TENM4: variants seen among roughly 807,000 people sequenced by gnomAD.
TENM4 encodes the protein teneurin-4.
Under a neutral mutation model 243.3 loss-of-function variants are expected in TENM4, and 82 were observed. That is an observed-to-expected ratio of 0.34 (90% CI 0.28 to 0.40). TENM4 has a LOEUF of 0.40. TENM4 is among the 10% of genes least tolerant of loss of function. The probability of loss-of-function intolerance (pLI) is 1.00; values close to 1 mark genes in which losing one functional copy is unlikely to be tolerated. For synonymous variants in TENM4, 1,412 were observed against 1,456.3 expected, an observed-to-expected ratio of 0.97 and a Z score of 0.69; for missense variants, 3,138 against 3,673.3, an observed-to-expected ratio of 0.85 and a Z score of 3.77.
intron 12 of TENM4, among the ~76,000 whole-genome samples, chr11:78,842,676 C>T (rs1401063700): frequency 6.6e-6 from 1 of 152,248 alleles, no homozygotes; most frequent in Admixed American, 6.5e-5. Flanking sequence ...CAGGCACTCA[C>T]ACAACAAGCG....
chr11:78,670,462 C>T lies in TENM4; in HGVS notation c.5883G>A (p.Val1961=), dbSNP rs369679383. The T allele has an allele frequency of 2.5e-6, 4 of 1,613,984 alleles. No individual in the cohort carries two copies. In the African/African-American group the frequency reaches 4.0e-5, roughly 16 times the overall value. ...GGATGGTCTCTAGTGTCTGCCGCGC[C>T]ACGTTGGGCATCGTCACAGAAGAGA... The part of the protein sequence containing the change: ...DRLSSVTMPN[V]ARQTLETIRS... The change falls in exon 32 of 34, where the codon GTG becomes GTA. Residue 1961 remains valine, a synonymous_variant. Transcript: ENST00000278550.
chr11:78,970,414 C>G (rs965694281), intron 6 of TENM4, among the ~76,000 whole-genome samples: 2 of 152,152 alleles, frequency 1.3e-5, no homozygotes, highest in Non-Finnish European at 2.9e-5. Context: ...TTGTCAGTGA[C>G]AGCCCCGATT....
chr11:78,835,163 C>A (rs926708444), intron 12 of TENM4, among the ~76,000 whole-genome samples: 1 of 152,168 alleles, frequency 6.6e-6, no homozygotes, highest in African/African-American at 2.4e-5. Flanking sequence ...TAGCATTTGA[C>A]ATGATTCTCT....
intron 12 of TENM4, among the ~76,000 whole-genome samples, chr11:78,834,301 A>G (rs1858050874): frequency 6.6e-6 from 1 of 152,100 alleles, no homozygotes; most frequent in Non-Finnish European, 1.5e-5. Flanking sequence ...TTGACAGGCT[A>G]TAGTCTTTTT....
At chr11:79,143,476 T>G (rs1413928186) in intron 4 of TENM4, among the ~76,000 whole-genome samples, 1 of 151,896 alleles carries the variant, frequency 6.6e-6, no homozygotes, top group African/African-American at 2.4e-5. Context: ...AATTTAACAA[T>G]GAGAACACTT....
At chr11:79,058,769 G>T (rs979649352) in intron 6 of TENM4, among the ~76,000 whole-genome samples, 1 of 152,148 alleles carries the variant, frequency 6.6e-6, no homozygotes, top group Non-Finnish European at 1.5e-5. Flanking sequence ...CAGAGGCTCT[G>T]GCTCTACCAG....
At chr11:79,179,057 C>A (rs1863230779) in intron 3 of TENM4, among the ~76,000 whole-genome samples, 1 of 152,198 alleles carries the variant, frequency 6.6e-6, no homozygotes, top group African/African-American at 2.4e-5. Flanking sequence ...GACGTCAGTA[C>A]CTTTAATTGC....
At chr11:79,228,207 TC>T (rs1864307119) in intron 2 of TENM4, among the ~76,000 whole-genome samples, 1 of 152,144 alleles carries the variant, frequency 6.6e-6, no homozygotes, top group Non-Finnish European at 1.5e-5. Context: ...AGCAGGCCCC[TC>T]GGGTGGTGGG....
At chr11:79,087,643 A>G (rs535040156) in intron 4 of TENM4, among the ~76,000 whole-genome samples, 166 of 152,276 alleles carry the variant, frequency 1.1e-3, no homozygotes, top group Non-Finnish European at 2.1e-3. Context: ...GGATCGAGGG[A>G]TGTTAGCTCT....
At chr11:79,093,807 C>A (rs1861015121) in intron 4 of TENM4, 1 of 152,236 alleles carries the variant, frequency 6.6e-6, no homozygotes, top group South Asian at 2.1e-4. Flanking sequence ...CCATTGCTCT[C>A]AACTCAATAA....
chr11:79,434,993 T>C (rs938224062), intron 1 of TENM4, among the ~76,000 whole-genome samples: 2 of 152,228 alleles, frequency 1.3e-5, no homozygotes, highest in African/African-American at 4.8e-5. Flanking sequence ...GGGGTCTATG[T>C]AGCATTACAA....
intron 2 of TENM4, among the ~76,000 whole-genome samples, chr11:79,281,220 C>T (rs1335861074): frequency 6.6e-6 from 1 of 152,170 alleles, no homozygotes; most frequent in Non-Finnish European, 1.5e-5. Context: ...ATTATACTTA[C>T]TCCTCTCAGC....
intron 1 of TENM4, among the ~76,000 whole-genome samples, chr11:79,360,753 C>T (rs910849580): frequency 6.6e-6 from 1 of 152,090 alleles, no homozygotes; most frequent in Non-Finnish European, 1.5e-5. Flanking sequence ...ATAAATAAGA[C>T]CTTCTTGTTA....
chr11:78,851,772 G>A (rs1044662337), intron 12 of TENM4, among the ~76,000 whole-genome samples: 3 of 152,250 alleles, frequency 2.0e-5, no homozygotes, highest in Non-Finnish European at 4.4e-5. Context: ...ACAAGATGAC[G>A]GCCAGACTGG....
At chr11:78,758,412 T>A (rs1856359141) in intron 18 of TENM4, among the ~76,000 whole-genome samples, 1 of 152,224 alleles carries the variant, frequency 6.6e-6, no homozygotes, top group African/African-American at 2.4e-5. Context: ...CAGTGTGCTA[T>A]GGTAGGAGGA....
At chr11:78,929,210 A>G (rs996360103) in intron 6 of TENM4, among the ~76,000 whole-genome samples, 3 of 152,190 alleles carry the variant, frequency 2.0e-5, no homozygotes, top group African/African-American at 7.2e-5. Context: ...TTCTGCTAGG[A>G]TATTCCAGAC....
chr11:79,251,727 G>T (rs1003803841), intron 2 of TENM4, among the ~76,000 whole-genome samples: 3 of 150,074 alleles, frequency 2.0e-5, no homozygotes, highest in Admixed American at 1.3e-4. Context: ...TTACTAAAAA[G>T]ATAAAGGAAT....
chr11:78,807,472 A>C (rs969976612), intron 14 of TENM4, among the ~76,000 whole-genome samples: 1 of 152,242 alleles, frequency 6.6e-6, no homozygotes, highest in Non-Finnish European at 1.5e-5. Flanking sequence ...TCTTCTGCAA[A>C]GCACTGCATG....
At chr11:78,695,121 A>C (rs1442319756) in intron 28 of TENM4, among the ~76,000 whole-genome samples, 3 of 146,792 alleles carry the variant, frequency 2.0e-5, no homozygotes, top group Non-Finnish European at 4.5e-5. Context: ...ATTATCGATC[A>C]CTGCACCCTT....
Sources: allele counts gnomAD v4.1 joint callset (sites outside exome capture counted in the v4.1 genomes callset), GRCh38; gene constraint gnomAD v4.1.1; transcripts MANE v1.5; gene names NCBI Gene and HGNC (gene_info 2026-07-23, HGNC 2026-07-21).